Variants in OTUD7A observed in about 807,000 individuals in gnomAD.
OTUD7A encodes the protein OTU domain-containing protein 7A.
A neutral mutation model predicts 65.7 loss-of-function variants in OTUD7A; 12 were observed. The ratio of observed to expected loss-of-function variants is 0.18; its 90% CI spans 0.12 to 0.30. OTUD7A has a LOEUF of 0.30. Ranked by LOEUF, OTUD7A falls within the 10% of genes least tolerant of loss-of-function variation. OTUD7A has a pLI of 1.00. For synonymous variants in OTUD7A, 641 were observed against 586.3 expected (o/e 1.09, Z -1.35); for missense variants, 1,148 against 1,304.8 (o/e 0.88, Z 1.85).
chr15:31,499,686 T>G (rs2041436063), intron 10 of OTUD7A, among the ~76,000 whole-genome samples: 1 of 152,144 alleles, frequency 6.6e-6, no homozygotes, highest in East Asian at 1.9e-4. Flanking sequence ...GTGGGGACCT[T>G]ATGGGTGAAT....
At chr15:31,772,491 C>A in intron 1 of OTUD7A, among the ~76,000 whole-genome samples, 1 of 152,248 alleles carries the variant, frequency 6.6e-6, no homozygotes, top group East Asian at 1.9e-4. Context: ...TGACGATTCT[C>A]CATGCACTGC....
intron 1 of OTUD7A, among the ~76,000 whole-genome samples, chr15:31,662,835 T>A (rs1892202828): frequency 6.6e-6 from 1 of 152,212 alleles, no homozygotes; most frequent in Non-Finnish European, 1.5e-5. Context: ...CAGATGAACC[T>A]CCTTCCCACA....
intron 3 of OTUD7A, among the ~76,000 whole-genome samples, chr15:31,593,451 T>C (rs1350858316): frequency 6.6e-6 from 1 of 152,164 alleles, no homozygotes; most frequent in Non-Finnish European, 1.5e-5. Context: ...GGAGGTTTCA[T>C]GCTGGATGCA....
intron 1 of OTUD7A, among the ~76,000 whole-genome samples, 177 bp from the exon 2 acceptor site, chr15:31,657,254 T>C (rs1323787133): frequency 6.6e-6 from 1 of 152,226 alleles, no homozygotes; most frequent in African/African-American, 2.4e-5. Flanking sequence ...GCAACTCCCA[T>C]GCCCGGGCCT....
At chr15:31,529,499 T>C (rs1324019465) in intron 6 of OTUD7A, among the ~76,000 whole-genome samples, 2 of 152,120 alleles carry the variant, frequency 1.3e-5, no homozygotes, top group Non-Finnish European at 2.9e-5. Flanking sequence ...GTCGCTGATT[T>C]TCATTTTCTC....
chr15:31,742,585 G>A (rs1394523030), intron 1 of OTUD7A, among the ~76,000 whole-genome samples: 2 of 151,986 alleles, frequency 1.3e-5, no homozygotes, highest in South Asian at 2.1e-4. Flanking sequence ...CAGAAAAATA[G>A]AACTAAACCT....
At chr15:31,510,525 T>C (rs2041673122) in intron 8 of OTUD7A, among the ~76,000 whole-genome samples, 1 of 141,624 alleles carries the variant, frequency 7.1e-6, no homozygotes, top group Non-Finnish European at 1.5e-5. Context: ...TGTATATCTA[T>C]ATGTAACATA....
At chr15:31,665,479 T>C (rs1218968260) in intron 1 of OTUD7A, among the ~76,000 whole-genome samples, 2 of 152,236 alleles carry the variant, frequency 1.3e-5, no homozygotes, top group African/African-American at 2.4e-5. Flanking sequence ...TCCTGGTGTA[T>C]AGAAGAGCTA....
intron 6 of OTUD7A, 108 bp downstream of exon 6, chr15:31,530,599 T>G: frequency 1.0e-6 from 1 of 999,600 alleles, no homozygotes; most frequent in South Asian, 1.8e-5. Context: ...CATGGGTGAC[T>G]CTATTTAGTG....
chr15:31,610,212 G>A (rs1464739149), intron 3 of OTUD7A, among the ~76,000 whole-genome samples: 1 of 152,114 alleles, frequency 6.6e-6, no homozygotes, highest in Non-Finnish European at 1.5e-5. Flanking sequence ...ACATGGAGGA[G>A]GGGTATTATA....
At chr15:31,686,332 C>T (rs1350312653) in intron 1 of OTUD7A, among the ~76,000 whole-genome samples, 3 of 152,244 alleles carry the variant, frequency 2.0e-5, no homozygotes, top group South Asian at 2.1e-4. Flanking sequence ...GAGCGTGGAG[C>T]TCACTCAAGA....
chr15:31,790,217 G>A (rs1340796104), intron 1 of OTUD7A, among the ~76,000 whole-genome samples: 3 of 152,188 alleles, frequency 2.0e-5, no homozygotes, highest in Admixed American at 2.0e-4. Flanking sequence ...GATCCCTGCA[G>A]GGCCTGTAAA....
At chr15:31,517,890 C>T (rs1424922394) in intron 8 of OTUD7A, among the ~76,000 whole-genome samples, 2 of 152,068 alleles carry the variant, frequency 1.3e-5, no homozygotes, top group African/African-American at 4.8e-5. Context: ...GGCAAGAGCG[C>T]GTGTCATAGA....
At chr15:31,609,893 A>G (rs1039945724) in intron 3 of OTUD7A, among the ~76,000 whole-genome samples, 5 of 152,200 alleles carry the variant, frequency 3.3e-5, no homozygotes, top group Non-Finnish European at 7.3e-5. Context: ...TTCACATCAC[A>G]GGACTTTGTG....
intron 1 of OTUD7A, among the ~76,000 whole-genome samples, chr15:31,670,186 T>C (rs1353247610): frequency 6.6e-6 from 1 of 151,048 alleles, no homozygotes. Context: ...CTATCACTGA[T>C]GGGCATTTGG....
chr15:31,752,671 C>T (rs1002093778), intron 1 of OTUD7A, among the ~76,000 whole-genome samples: 4 of 151,964 alleles, frequency 2.6e-5, no homozygotes, highest in Admixed American at 1.3e-4. Flanking sequence ...CTAATATTAC[C>T]GCCAATATTA....
intron 1 of OTUD7A, among the ~76,000 whole-genome samples, chr15:31,719,240 G>A (rs902461796): frequency 2.6e-5 from 4 of 151,998 alleles, no homozygotes; most frequent in African/African-American, 4.8e-5. Flanking sequence ...ACCATTGCTC[G>A]CCCATGCATT....
rs1204224868 is a variant in OTUD7A, at chr15:31,527,196, C to T, written c.765G>A (p.Thr255=). The T allele has an allele frequency of 2.2e-5, 35 of 1,614,166 alleles. No individual in the cohort carries two copies. Among genetic ancestry groups the T allele is most frequent in the Non-Finnish European group, 2.5e-5 (29 of 1,180,016 alleles). ...ALKRRWRWQQ[T]QQNKESGLVY... ...GGATACCAACCTCCTTATTCTGCTGCGTCTGCTGCCACCTCCACCTCCGCT... is the reference window on the plus strand; with the variant it reads ...GGATACCAACCTCCTTATTCTGCTGTGTCTGCTGCCACCTCCACCTCCGCT... The change falls in exon 7 of 13, where the codon ACG becomes ACA. Residue 255 remains threonine (T), a synonymous_variant. Coordinates refer to ENST00000307050, the MANE Select transcript of OTUD7A (RefSeq NM_001382637.1).
At chr15:31,760,906 AC>A (rs1238538619) in intron 1 of OTUD7A, among the ~76,000 whole-genome samples, 2 of 152,272 alleles carry the variant, frequency 1.3e-5, no homozygotes, top group Non-Finnish European at 1.5e-5. Context: ...TGGGGAAAGA[AC>A]AGGTTTTTTT....
Sources: gnomAD v4.1 joint callset for allele counts (sites outside exome capture counted in the v4.1 genomes callset) on GRCh38, gnomAD v4.1.1 for gene constraint, MANE v1.5 for transcripts, NCBI Gene and HGNC (gene_info 2026-07-23, HGNC 2026-07-21) for gene names.